The following PLEKHO2 variants were observed in gnomAD, a reference collection of about 807,000 sequenced individuals.
The protein encoded by PLEKHO2 is pleckstrin homology domain-containing family O member 2.
PLEKHO2 carries 20 observed loss-of-function variants against 32.7 expected under a neutral mutation model. The ratio of observed to expected loss-of-function variants is 0.61; its 90% CI spans 0.43 to 0.89. The LOEUF is 0.89. Among genes scored for constraint, PLEKHO2 ranks in the 40% least tolerant of loss-of-function variants. The pLI is 0.00. For missense variants in PLEKHO2, 568 were observed against 621.2 expected, an observed-to-expected ratio of 0.91 and a Z score of 0.91; for synonymous variants, 247 against 246.3, an observed-to-expected ratio of 1.00 and a Z score of -0.03.
chr15:64,852,193 G>A (rs2084574675), intron 2 of PLEKHO2, among the ~76,000 whole-genome samples: 1 of 152,100 alleles, frequency 6.6e-6, no homozygotes, highest in South Asian at 2.1e-4. Flanking sequence ...GCATCCCCCT[G>A]GCAGTAAATG....
intron 1 of PLEKHO2, among the ~76,000 whole-genome samples, chr15:64,842,987 C>T (rs1346704052): frequency 6.6e-6 from 1 of 152,218 alleles, no homozygotes; most frequent in Non-Finnish European, 1.5e-5. Flanking sequence ...CCCCTCTCAG[C>T]CCAAGGGAAG....
intron 1 of PLEKHO2, among the ~76,000 whole-genome samples, chr15:64,846,846 G>T (rs932651926): frequency 6.6e-6 from 1 of 152,174 alleles, no homozygotes; most frequent in South Asian, 2.1e-4. Flanking sequence ...GACAGCTGCC[G>T]TTTACTAGGT....
At position 64,861,408 on chromosome 15, in the gene PLEKHO2, G is replaced by A. The variant is rs546448297; in HGVS notation, c.385-69G>A. On this transcript the variant is annotated intron_variant, in intron 4 of 5. Transcript: ENST00000323544. ...GGCACTGACCCTGGCTCTGAGCCAG[G>A]TCCGCCCTGGCTACTTCCCACACTC... 5 of 1,265,132 alleles carry A rather than the reference G, an allele frequency of 4.0e-6. No individual in the cohort carries two copies. The African/African-American group carries it at 7.4e-5, about 19-fold the overall frequency. The allele number at this position is 1,265,132 out of a possible 1,614,324, so 78.4% of individuals were successfully genotyped here.
At position 64,859,972 on chromosome 15, in the gene PLEKHO2, C is replaced by T. The variant is rs2084631294; in HGVS notation, c.358C>T (p.Arg120Ter). 2 of 1,614,104 alleles carry T rather than the reference C, an allele frequency of 1.2e-6. No individual in the cohort carries two copies. Among genetic ancestry groups the T allele is most frequent in the South Asian group, 1.1e-5 (1 of 91,072 alleles). The change falls in exon 4 of 6, where the codon CGA becomes TGA. Residue 120 changes from arginine (R) to a stop codon, truncating the protein, a stop_gained. Transcript: ENST00000323544. LOFTEE classifies it high-confidence loss of function. Reference protein sequence around the residue: ...WIKALNEGINRGKNKAFDEVK... With the variant: ...WIKALNEGIN The stretch of plus-strand genomic sequence containing the variant: ...CAAAGCCCTCAATGAAGGGATTAAC[C>T]GAGGCAAAAACAAGGCTTTCGATGA...
intron 3 of PLEKHO2, among the ~76,000 whole-genome samples, chr15:64,858,189 G>A (rs1354571988): frequency 6.6e-6 from 1 of 152,208 alleles, no homozygotes; most frequent in Non-Finnish European, 1.5e-5. Context: ...CTTAACTGAA[G>A]ATCTGCTTCC....
chr15:64,858,132 C>T (rs549811046), intron 3 of PLEKHO2, among the ~76,000 whole-genome samples: 1 of 152,198 alleles, frequency 6.6e-6, no homozygotes, highest in South Asian at 2.1e-4. Context: ...CCCAGCAGCC[C>T]TGATGGCTGA....
At chr15:64,847,628 C>G (rs1414649527) in intron 1 of PLEKHO2, among the ~76,000 whole-genome samples, 1 of 152,154 alleles carries the variant, frequency 6.6e-6, no homozygotes, top group African/African-American at 2.4e-5. Flanking sequence ...TGGCACCCAG[C>G]CACCCAAGCA....
At position 64,865,918 on chromosome 15, in the gene PLEKHO2, C is replaced by T. The variant is rs1156780353; in HGVS notation, c.*30C>T. On this transcript the variant is annotated 3_prime_UTR_variant, in exon 6 of 6. Transcript: ENST00000323544. ...TTCTGGGCCAGAGGCACCATCCCTT[C>T]TGGCCATCCATCAAGTCCATCAAGG... 156 of 1,577,278 alleles carry T rather than the reference C, an allele frequency of 9.9e-5. No individual in the cohort carries two copies. Among genetic ancestry groups the T allele is most frequent in the Non-Finnish European group, 1.3e-4 (153 of 1,165,998 alleles).
rs114368128 is a variant in PLEKHO2 at position 64,867,025 on chromosome 15, C to G, written c.*1137C>G. 0.011 allele frequency: 1,733 copies of G among 153,188 alleles called. 31 individuals are homozygous for G. The highest frequency in any genetic ancestry group is 0.039 in the African/African-American group (1,608 of 41,542). The allele number at this position is 153,188 out of a possible 1,614,324, so 9.5% of individuals were successfully genotyped here. ...CCTGGTCCTCTCCCAGCCTCTCCCC[C>G]ACATTGTCCCTGACTCTAGGGGCAC... On this transcript the variant is annotated 3_prime_UTR_variant, in exon 6 of 6. Transcript: ENST00000323544.
In PLEKHO2 at chr15:64,861,580, G is replaced by A. The variant is rs1405549637; in HGVS notation, c.483+5G>A. 2 of 1,588,310 alleles carry A rather than the reference G, an allele frequency of 1.3e-6. No homozygotes were observed. The highest frequency in any genetic ancestry group is 1.7e-4 in the Middle Eastern group (1 of 6,002). Reference sequence around the variant, plus strand: ...ACGAGAGTCCACCTGAAGGAGGTAGGGCCTTACCCAGTGTGGATGTTGGGG... The same window carrying A: ...ACGAGAGTCCACCTGAAGGAGGTAGAGCCTTACCCAGTGTGGATGTTGGGG... On this transcript the variant is annotated splice_donor_5th_base_variant and intron_variant, in intron 5 of 5. Transcript: ENST00000323544.
chr15:64,850,966 A>T (rs924296382), intron 2 of PLEKHO2, among the ~76,000 whole-genome samples: 1 of 152,206 alleles, frequency 6.6e-6, no homozygotes, highest in African/African-American at 2.4e-5. Context: ...CCTCTTCCTC[A>T]TCCACCTCTC....
chr15:64,861,599 G>A lies in PLEKHO2; in HGVS notation c.483+24G>A, dbSNP rs202007537. 5.2e-5 allele frequency: 81 copies of A among 1,543,584 alleles called. No homozygotes were observed. The African/African-American group carries it at 9.4e-4, about 18-fold the overall frequency. On this transcript the variant is annotated intron_variant, in intron 5 of 5. Transcript: ENST00000323544. ...AGGTAGGGCCTTACCCAGTGTGGATGTTGGGGTTAGTTGAGCCTAGGACCT... is the reference window on the plus strand; with the variant it reads ...AGGTAGGGCCTTACCCAGTGTGGATATTGGGGTTAGTTGAGCCTAGGACCT...
Position 64,865,757 on chromosome 15 carries a change from G to A in PLEKHO2, c.1342G>A (p.Val448Met), listed in dbSNP as rs756046979. 6.2e-7 allele frequency: 1 copy of A among 1,614,240 alleles called. No individual in the cohort carries two copies. The highest frequency in any genetic ancestry group is 8.5e-7 in the Non-Finnish European group (1 of 1,180,038). The change falls in exon 6 of 6, where the codon GTG becomes ATG. Residue 448 changes from valine to methionine, a missense_variant. Val to Met is a conservative substitution (Grantham distance 21, BLOSUM62 1). Transcript: ENST00000323544. The stretch of plus-strand genomic sequence containing the variant: ...TGCCGAAACATTGCTCAGCCAGGCT[G>A]TGGAGCAGCTGAGGCAGGCCACCCA... ...VSAETLLSQA[V>M]EQLRQATQVL...
At chr15:64,848,884 T>A in intron 2 of PLEKHO2, 142 bp downstream of exon 2, 1 of 938,094 alleles carries the variant, frequency 1.1e-6, no homozygotes, top group African/African-American at 1.6e-5. Context: ...AGCGAGTACC[T>A]AATCCTCTCT....
chr15:64,856,037 G>A (rs1403068878), intron 3 of PLEKHO2, among the ~76,000 whole-genome samples: 2 of 152,128 alleles, frequency 1.3e-5, no homozygotes, highest in Admixed American at 6.5e-5. Context: ...GGGGGCTGTG[G>A]AGCTGTGATA....
In PLEKHO2 at chr15:64,866,965, T is replaced by C. The variant is rs1412173021; in HGVS notation, c.*1077T>C. 6.5e-6 allele frequency: 1 copy of C among 152,862 alleles called. No individual in the cohort carries two copies. Among genetic ancestry groups the C allele is most frequent in the Admixed American group, 6.5e-5 (1 of 15,310 alleles). 9.5% of individuals were successfully genotyped at this position (152,862 alleles called of 1,614,324 possible). A position where few individuals can be genotyped will look rare whatever the true frequency, so the allele number is the denominator to read the frequency against. ...CTGTAACTTTCTAGGAGAAGAGACA[T>C]TTTCTTCTTTCCCTTTCCTGGTCCA... On this transcript the variant is annotated 3_prime_UTR_variant, in exon 6 of 6. Transcript: ENST00000323544.
At chr15:64,844,661 A>G (rs1249794152) in intron 1 of PLEKHO2, among the ~76,000 whole-genome samples, 2 of 151,968 alleles carry the variant, frequency 1.3e-5, no homozygotes, top group Non-Finnish European at 1.5e-5. Context: ...TCTGGGCTGT[A>G]CTTTCTCTTT....
Position 64,865,296 on chromosome 15 carries a change from C to T in PLEKHO2, c.881C>T (p.Pro294Leu), listed in dbSNP as rs767044896. The change falls in exon 6 of 6, where the codon CCC becomes CTC. Residue 294 changes from proline (P) to leucine (L), a missense_variant. Pro to Leu is a moderately conservative substitution (Grantham distance 98, BLOSUM62 -3). Transcript: ENST00000323544. ...GAGAGTGCAGAACCGTCCCAGGCAC[C>T]CTGTTCTGAGACTTCTGAGGCTGCC... ...AAESAEPSQA[P>L]CSETSEAAPR... The T allele has an allele frequency of 6.2e-6, 10 of 1,613,722 alleles. No individual in the cohort carries two copies. In the East Asian group the frequency reaches 6.7e-5, roughly 11 times the overall value.
At position 64,865,186 on chromosome 15, in the gene PLEKHO2, C is replaced by T; in HGVS notation, c.771C>T (p.Gly257=). 1.9e-6 allele frequency: 3 copies of T among 1,614,184 alleles called. No individual in the cohort carries two copies. The highest frequency in any genetic ancestry group is 1.3e-5 in the African/African-American group (1 of 75,060). ...AGACCCCAGCAGAGGAGGACAGTGG[C>T]TCTGAGCAGCCTCCCAACAGCGTCC... ...DSETPAEEDS[G]SEQPPNSVLP... The change falls in exon 6 of 6, where the codon GGC becomes GGT. Residue 257 remains glycine, a synonymous_variant. Coordinates refer to ENST00000323544, the MANE Select transcript of PLEKHO2 (RefSeq NM_025201.5).
Sources: gnomAD v4.1 joint callset for allele counts (sites outside exome capture counted in the v4.1 genomes callset) on GRCh38, gnomAD v4.1.1 for gene constraint, MANE v1.5 for transcripts, NCBI Gene and HGNC (gene_info 2026-07-23, HGNC 2026-07-21) for gene names.